The following DNAAF4 variants were observed in gnomAD, a reference collection of about 807,000 sequenced individuals.
The protein encoded by DNAAF4 is dynein axonemal assembly factor 4, also known as dynein assembly factor 4, axonemal.
In DNAAF4, 43 loss-of-function variants were observed where a neutral mutation model predicts 51.8. The observed-to-expected ratio is 0.83, with a 90% CI of 0.65 to 1.07. The LOEUF (loss-of-function observed/expected upper bound fraction) is 1.07. Among genes scored for constraint, DNAAF4 ranks in the 50% least tolerant of loss-of-function variants. The probability of loss-of-function intolerance (pLI) is 0.00; values close to 1 mark genes in which losing one functional copy is unlikely to be tolerated. For synonymous variants in DNAAF4, 194 were observed against 165.6 expected (o/e 1.17, Z -1.32); for missense variants, 581 against 493.0 (o/e 1.18, Z -1.69).
At chr15:55,491,681 A>G (rs1461611416) in intron 3 of DNAAF4, among the ~76,000 whole-genome samples, 1 of 140,802 alleles carries the variant, frequency 7.1e-6, no homozygotes, top group Non-Finnish European at 1.5e-5. Context: ...AGATAATATT[A>G]TATTATTATA....
At position 55,467,042 on chromosome 15, in the gene DNAAF4, A is replaced by T; in HGVS notation, c.525T>A (p.Ile175=). 1 of 1,560,526 alleles carries T rather than the reference A, an allele frequency of 6.4e-7. No homozygotes were observed. The highest frequency in any genetic ancestry group is 1.2e-5 in the South Asian group (1 of 83,028). ...TTTGACATAATTTCTCTTCTCTCTG[A>T]ATTTTTTTTTGCTCCTCAGCTTTTC... ...YQRKAEEQKK[I]QREEKLCQKE... Residue 175 remains isoleucine, a synonymous_variant, in exon 5 of 10, where the codon ATT becomes ATA. Transcript: ENST00000321149.
chr15:55,432,525 T>A lies in DNAAF4; in HGVS notation c.1125A>T (p.Ala375=), dbSNP rs749760470. ...CTACATACAATTCTAGTTGACAGAATGCTGTTCCACGTCGTACATGTGCCT... is the reference window on the plus strand; with the variant it reads ...CTACATACAATTCTAGTTGACAGAAAGCTGTTCCACGTCGTACATGTGCCT... ...RMKAHVRRGT[A]FCQLELYVEG... is the part of the protein sequence containing the mutation. The change falls in exon 9 of 10, where the codon GCA becomes GCT. Residue 375 remains alanine (A), a synonymous_variant. Coordinates refer to ENST00000321149, the MANE Select transcript of DNAAF4 (RefSeq NM_130810.4). 1 of 1,611,632 alleles carries A rather than the reference T, an allele frequency of 6.2e-7. No homozygotes were observed. Among genetic ancestry groups the A allele is most frequent in the African/African-American group, 1.3e-5 (1 of 74,912 alleles).
intron 5 of DNAAF4, among the ~76,000 whole-genome samples, chr15:55,454,660 GAGCCAAGAAGGTAAATTACC>G (rs1391412714): frequency 6.6e-6 from 1 of 152,162 alleles, no homozygotes; most frequent in Non-Finnish European, 1.5e-5. Flanking sequence ...TTACAGGCAT[GAGCCAAGAAGGTAAATTACC>G]AGCCAAGAAG....
chr15:55,431,314 C>A (rs2057489402), intron 9 of DNAAF4, among the ~76,000 whole-genome samples: 1 of 151,658 alleles, frequency 6.6e-6, no homozygotes, highest in African/African-American at 2.4e-5. Flanking sequence ...AAGCAATGTG[C>A]ATGCACTATG....
rs1026422461 is a variant in DNAAF4, at chr15:55,445,447, C to G, written c.783+4775G>C. Among the ~76,000 whole-genome samples, 14 of 152,284 alleles carry G rather than the reference C, an allele frequency of 9.2e-5. No homozygotes were observed. In the East Asian group the frequency reaches 2.5e-3, roughly 27 times the overall value. On this transcript the variant is annotated intron_variant, in intron 6 of 9. Coordinates refer to ENST00000321149, the MANE Select transcript of DNAAF4 (RefSeq NM_130810.4). ...TCTCCTATGTCTACTTCTTTCTACA[C>G]AGACACAGTAACAATCTGATCTCTC...
chr15:55,465,360 T>A (rs2058152674), intron 5 of DNAAF4, among the ~76,000 whole-genome samples: 1 of 148,164 alleles, frequency 6.7e-6, no homozygotes, highest in Non-Finnish European at 1.5e-5. Flanking sequence ...GCCTATCAAC[T>A]AATGAGAAGA....
chr15:55,436,184 C>T (rs1486430708), intron 7 of DNAAF4, among the ~76,000 whole-genome samples: 1 of 152,162 alleles, frequency 6.6e-6, no homozygotes, highest in East Asian at 1.9e-4. Flanking sequence ...AATTTCTCCA[C>T]ATCCTCACTA....
intron 5 of DNAAF4, among the ~76,000 whole-genome samples, chr15:55,456,115 T>C (rs564600972): frequency 4.6e-5 from 7 of 151,952 alleles, no homozygotes; most frequent in Admixed American, 2.0e-4. Context: ...GTTTCACTCT[T>C]GTTGCCCAGG....
chr15:55,445,353 TG>T (rs1434228643), intron 6 of DNAAF4, among the ~76,000 whole-genome samples: 5 of 152,242 alleles, frequency 3.3e-5, no homozygotes, highest in African/African-American at 4.8e-5. Flanking sequence ...TGCACGGGGT[TG>T]GGGGTAAGGT....
chr15:55,483,724 T>C (rs1464340422), intron 4 of DNAAF4, among the ~76,000 whole-genome samples: 1 of 148,610 alleles, frequency 6.7e-6, no homozygotes, highest in Non-Finnish European at 1.5e-5. Flanking sequence ...GTATTTTTAG[T>C]AGAGATGGGC....
At chr15:55,463,214 A>AC (rs1304458545) in intron 5 of DNAAF4, among the ~76,000 whole-genome samples, 19 of 151,826 alleles carry the variant, frequency 1.3e-4, no homozygotes, top group Middle Eastern at 3.4e-3. Flanking sequence ...ACACACACAA[A>AC]GCATTTGACA....
intron 7 of DNAAF4, among the ~76,000 whole-genome samples, chr15:55,424,111 G>A (rs1403033790): frequency 6.6e-6 from 1 of 152,028 alleles, no homozygotes; most frequent in Non-Finnish European, 1.5e-5. Context: ...AGACTATTAG[G>A]TCATGGGGAC....
intron 5 of DNAAF4, among the ~76,000 whole-genome samples, chr15:55,453,458 T>G (rs1410710617): frequency 6.6e-6 from 1 of 150,964 alleles, no homozygotes; most frequent in African/African-American, 2.4e-5. Context: ...TAAACATACT[T>G]ACTTAAAGCC....
At position 55,468,345 on chromosome 15, in the gene DNAAF4, T is replaced by C. The variant is rs528203331; in HGVS notation, c.406-1184A>G. 1.4e-4 allele frequency among the ~76,000 whole-genome samples: 21 copies of C among 152,308 alleles called. No homozygotes were observed. The East Asian group carries it at 4.0e-3, about 29-fold the overall frequency. ...TTATTTTCCTGTGAGATGCTGACTT[T>C]AAAATAAATTTCACGGGACACTGAA... On this transcript the variant is annotated intron_variant, in intron 4 of 9. Coordinates refer to ENST00000321149, the MANE Select transcript of DNAAF4 (RefSeq NM_130810.4).
chr15:55,450,347 A>G lies in DNAAF4; in HGVS notation c.658T>C (p.Phe220Leu). 1 of 1,610,192 alleles carries G rather than the reference A, an allele frequency of 6.2e-7. No homozygotes were observed. The highest frequency in any genetic ancestry group is 8.5e-7 in the Non-Finnish European group (1 of 1,179,126). Residue 220 changes from phenylalanine (F) to leucine (L), a missense_variant, in exon 6 of 10, where the codon TTT (phenylalanine) becomes CTT (leucine). Phe to Leu is a conservative substitution (Grantham distance 22). Coordinates refer to ENST00000321149, the MANE Select transcript of DNAAF4 (RefSeq NM_130810.4). ...CTGTCTTCCTTTAACTTCTCAGTAA[A>G]TATATTTTCTGAATTTCTCCCTTCA... ...APKGRNSENIFTEKLKEDSIP... is the reference protein window; with the variant it reads ...APKGRNSENILTEKLKEDSIP...
intron 2 of DNAAF4, 129 bp from the exon 3 acceptor site, chr15:55,497,988 T>A: frequency 7.4e-7 from 1 of 1,346,014 alleles, no homozygotes; most frequent in South Asian, 1.5e-5. Flanking sequence ...AGTGAAAGAT[T>A]AGCAAGGCAT....
At chr15:55,474,920 A>C (rs1051282678) in intron 4 of DNAAF4, among the ~76,000 whole-genome samples, 1 of 152,306 alleles carries the variant, frequency 6.6e-6, no homozygotes, top group East Asian at 1.9e-4. Flanking sequence ...TGGAGGTTGC[A>C]GTGAGCCAAG....
intron 7 of DNAAF4, among the ~76,000 whole-genome samples, chr15:55,419,864 T>G (rs1017826848): frequency 6.6e-6 from 1 of 151,900 alleles, no homozygotes; most frequent in Non-Finnish European, 1.5e-5. Flanking sequence ...TAGCTGGGCA[T>G]GGCGGCGGGT....
intron 6 of DNAAF4, among the ~76,000 whole-genome samples, chr15:55,445,435 C>T (rs576965467): frequency 1.3e-5 from 2 of 152,242 alleles, no homozygotes; most frequent in South Asian, 2.1e-4. Flanking sequence ...CCTATGTCTA[C>T]TTCTTTCTAC....
Sources: allele counts gnomAD v4.1 joint callset (sites outside exome capture counted in the v4.1 genomes callset), GRCh38; gene constraint gnomAD v4.1.1; transcripts MANE v1.5; gene names NCBI Gene and HGNC (gene_info 2026-07-23, HGNC 2026-07-21).